SOWAHB: variants seen among roughly 807,000 people sequenced by gnomAD.
The protein encoded by SOWAHB is ankyrin repeat domain-containing protein SOWAHB.
A neutral mutation model predicts 18.3 loss-of-function variants in SOWAHB; 17 were observed. The observed-to-expected ratio is 0.93, with a 90% confidence interval of 0.64 to 1.40. The LOEUF is 1.40. Ranked by LOEUF, SOWAHB falls within the 40% of genes most tolerant of loss-of-function variation. SOWAHB has a pLI of 0.00. For missense variants in SOWAHB, 1,126 were observed against 1,033.7 expected (o/e 1.09, Z -1.22); for synonymous variants, 496 against 448.1 (o/e 1.11, Z -1.35).
chr4:76,895,312 G>A lies in SOWAHB; in HGVS notation c.*156C>T, dbSNP rs982470099. On this transcript the variant is annotated 3_prime_UTR_variant, in exon 1 of 1. Coordinates refer to ENST00000334306, the MANE Select transcript of SOWAHB (RefSeq NM_001029870.3). Reference sequence around the variant, plus strand: ...CAAAAAGCTTGGATGACCCTCTTGAGGTCCAGGATGTAGTGACATAAGATC... The same window carrying A: ...CAAAAAGCTTGGATGACCCTCTTGAAGTCCAGGATGTAGTGACATAAGATC... The A allele has an allele frequency of 1.4e-6, 1 of 701,460 alleles. No individual in the cohort carries two copies. Among genetic ancestry groups the A allele is most frequent in the Non-Finnish European group, 2.3e-6 (1 of 438,040 alleles). 43.5% of individuals were successfully genotyped at this position (701,460 alleles called of 1,614,324 possible).
Position 76,897,050 on chromosome 4 carries a change from G to T in SOWAHB, c.800C>A (p.Thr267Lys). 1 of 1,541,974 alleles carries T rather than the reference G, an allele frequency of 6.5e-7. No homozygotes were observed. Among genetic ancestry groups the T allele is most frequent in the Non-Finnish European group, 8.7e-7 (1 of 1,150,012 alleles). The change falls in exon 1 of 1, where the codon ACA becomes AAA. Residue 267 changes from threonine to lysine, a missense_variant. Transcript: ENST00000334306. The surrounding 1 kb of genome is among the most constrained non-coding windows in gnomAD (Gnocchi z 6.4). ...GAGAGCAGGCGGGGAAGCCCTGCTT[G>T]TCGCAGCCTCGACGGTGGCGGGAGG... is the stretch of plus-strand genomic sequence containing the variant. ...HSPPATVEAA[T>K]SRASPPALLP...
At position 76,897,632 on chromosome 4, in the gene SOWAHB, A is replaced by C. The variant is rs1719966744; in HGVS notation, c.218T>G (p.Leu73Arg). 1 of 1,611,932 alleles carries C rather than the reference A, an allele frequency of 6.2e-7. No homozygotes were observed. The highest frequency in any genetic ancestry group is 2.2e-5 in the East Asian group (1 of 44,818). The change falls in exon 1 of 1, where the codon CTC (leucine) becomes CGC (arginine). Residue 73 changes from leucine to arginine, a missense_variant. Physicochemically the swap from Leu to Arg is moderately radical, Grantham distance 102 (BLOSUM62 -2). Transcript: ENST00000334306. The surrounding 1 kb of genome is among the most constrained non-coding windows in gnomAD (Gnocchi z 6.4). ...CAAAAGGTCCCTGTATCTCCTCTTG[A>C]GCACCACGTACTTGGTGCCGTCGGG... ...QDPDGTKYVV[L>R]KRRYRDLLGE... is the part of the protein sequence containing the mutation.
Position 76,897,183 on chromosome 4 carries a change from C to A in SOWAHB, c.667G>T (p.Glu223Ter). ...GCAGGCAGAGCCCGTGCCGGCTTCT[C>A]CTCCGCGGTGGCCGAGTGCGGGAGT... ...GALPHSATAE[E>*]KPARALPAQD... The change falls in exon 1 of 1, where the codon GAG (glutamate) becomes TAG (stop). Residue 223 changes from glutamate (E) to a stop codon, truncating the protein, a stop_gained. Transcript: ENST00000334306. LOFTEE classifies it low-confidence loss of function (END_TRUNC). The surrounding 1 kb of genome is among the most constrained non-coding windows in gnomAD (Gnocchi z 6.4). 6.3e-7 allele frequency: 1 copy of A among 1,575,380 alleles called. No homozygotes were observed. Among genetic ancestry groups the A allele is most frequent in the Non-Finnish European group, 8.6e-7 (1 of 1,169,034 alleles).
rs78388708 is a variant in SOWAHB at position 76,896,109 on chromosome 4, G to A, written c.1741C>T (p.His581Tyr). Residue 581 changes from histidine (H) to tyrosine (Y), a missense_variant, in exon 1 of 1, where the codon CAC (histidine) becomes TAC (tyrosine). Transcript: ENST00000334306. ...GATGATTTGTGCTCAGAAGTTCTGT[G>A]GGGGGCCAAGGCTGCAGACCCCTCC... ...SGEGSAALAP[H>Y]RTSEHKSSLV... 1.6e-5 allele frequency: 25 copies of A among 1,579,098 alleles called. No homozygotes were observed. The African/African-American group carries it at 3.2e-4, about 20-fold the overall frequency.
chr4:76,897,475 G>A lies in SOWAHB; in HGVS notation c.375C>T (p.Arg125=), dbSNP rs770556615. The change falls in exon 1 of 1, where the codon CGC becomes CGT. Residue 125 remains arginine, a synonymous_variant. Coordinates refer to ENST00000334306, the MANE Select transcript of SOWAHB (RefSeq NM_001029870.3). The surrounding 1 kb of genome is among the most constrained non-coding windows in gnomAD (Gnocchi z 6.4). ...CTGGCTCCTCCTCCGGCTCCTTCTC[G>A]CGCCGCCGCCGCCTGGGCTGCTGCT... The part of the protein sequence containing the change: ...PPQQQPRRRR[R]EKEPEEEPAG... The A allele has an allele frequency of 6.7e-7, 1 of 1,487,120 alleles. No individual in the cohort carries two copies. Among genetic ancestry groups the A allele is most frequent in the East Asian group, 2.9e-5 (1 of 34,518 alleles). The allele number at this position is 1,487,120 out of a possible 1,614,324, so 92.1% of individuals were successfully genotyped here. A position where few individuals can be genotyped will look rare whatever the true frequency, so the allele number is the denominator to read the frequency against.
In SOWAHB at chr4:76,897,292, G is replaced by C. The variant is rs13146119; in HGVS notation, c.558C>G (p.Ser186Arg). The C allele has an allele frequency of 6.5e-7, 1 of 1,542,494 alleles. No individual in the cohort carries two copies. The highest frequency in any genetic ancestry group is 1.9e-5 in the Admixed American group (1 of 51,834). ...AAAAGAQARA[S>R]CAAAKTQGRC... ...GGCCCTGCGTCTTCGCCGCCGCGCA[G>C]CTCGCTCTCGCCTGGGCCCCTGCCG... The change falls in exon 1 of 1, where the codon AGC becomes AGG. Residue 186 changes from serine to arginine, a missense_variant. Coordinates refer to ENST00000334306, the MANE Select transcript of SOWAHB (RefSeq NM_001029870.3). This position sits in a 1 kb window ranked among gnomAD's most constrained non-coding sequence, Gnocchi z 6.4.
rs752939166 is a variant in SOWAHB at position 76,896,867 on chromosome 4, C to A, written c.983G>T (p.Trp328Leu). 6.2e-7 allele frequency: 1 copy of A among 1,613,524 alleles called. No homozygotes were observed. The highest frequency in any genetic ancestry group is 8.5e-7 in the Non-Finnish European group (1 of 1,179,990). ...EARDQGPIRA[W>L]SVLPDNFLQL... ...GAGGAAGTTGTCTGGCAGCACCGAC[C>A]AGGCGCGGATAGGGCCCTGATCACG... Residue 328 changes from tryptophan to leucine, a missense_variant, in exon 1 of 1, where the codon TGG becomes TTG. Transcript: ENST00000334306.
In SOWAHB at chr4:76,896,917, G is replaced by T; in HGVS notation, c.933C>A (p.Ala311=). The T allele has an allele frequency of 6.2e-7, 1 of 1,611,528 alleles. No individual in the cohort carries two copies. The highest frequency in any genetic ancestry group is 8.5e-7 in the Non-Finnish European group (1 of 1,179,256). The change falls in exon 1 of 1, where the codon GCC becomes GCA. Residue 311 remains alanine, a synonymous_variant. Transcript: ENST00000334306. ...QQQQRTREWV[A]RHPQVPEARD... is the part of the protein sequence containing the mutation. Reference sequence around the variant, plus strand: ...GGGCCTCGGGCACCTGCGGGTGCCTGGCCACCCACTCTCGAGTGCGCTGCT... The same window carrying T: ...GGGCCTCGGGCACCTGCGGGTGCCTTGCCACCCACTCTCGAGTGCGCTGCT...
rs769204498 is a variant in SOWAHB, at chr4:76,897,287, G to A, written c.563C>T (p.Ala188Val). The change falls in exon 1 of 1, where the codon GCG becomes GTG. Residue 188 changes from alanine to valine, a missense_variant. Transcript: ENST00000334306. This position sits in a 1 kb window ranked among gnomAD's most constrained non-coding sequence, Gnocchi z 6.4. Reference sequence around the variant, plus strand: ...GCAGCGGCCCTGCGTCTTCGCCGCCGCGCAGCTCGCTCTCGCCTGGGCCCC... The same window carrying A: ...GCAGCGGCCCTGCGTCTTCGCCGCCACGCAGCTCGCTCTCGCCTGGGCCCC... Reference protein sequence around the residue: ...AAGAQARASCAAAKTQGRCCW... With the variant: ...AAGAQARASCVAAKTQGRCCW... 2 of 1,544,848 alleles carry A rather than the reference G, an allele frequency of 1.3e-6. No individual in the cohort carries two copies. Among genetic ancestry groups the A allele is most frequent in the Non-Finnish European group, 1.7e-6 (2 of 1,151,950 alleles).
chr4:76,896,729 G>A lies in SOWAHB; in HGVS notation c.1121C>T (p.Ala374Val), dbSNP rs894846437. ...AAAGACAGTCAATGAAGGGTTCCCC[G>A]CCCAGGATTCCCAGGACTCATCCGG... is the stretch of plus-strand genomic sequence containing the variant. ...VVPDESWESWAGNPSLTVFRS... is the reference protein window; with the variant it reads ...VVPDESWESWVGNPSLTVFRS... The change falls in exon 1 of 1, where the codon GCG becomes GTG. Residue 374 changes from alanine (A) to valine (V), a missense_variant. By Grantham distance (64) the Ala-to-Val change is moderately conservative. Transcript: ENST00000334306. 5.6e-6 allele frequency: 9 copies of A among 1,613,768 alleles called. No individual in the cohort carries two copies. The highest frequency in any genetic ancestry group is 2.7e-5 in the African/African-American group (2 of 74,934).
chr4:76,896,235 G>T lies in SOWAHB; in HGVS notation c.1615C>A (p.Pro539Thr). ...AAACCTGCATCAACCCTTGGGCTGG[G>T]TGCCGTTCCTGCCTTGGAGGGCTTC... is the stretch of plus-strand genomic sequence containing the variant. Reference protein sequence around the residue: ...SRKPSKAGTAPSPRVDAGLSL... With the variant: ...SRKPSKAGTATSPRVDAGLSL... Residue 539 changes from proline (P) to threonine (T), a missense_variant, in exon 1 of 1, where the codon CCC (proline) becomes ACC (threonine). Pro to Thr is a conservative substitution (Grantham distance 38). Transcript: ENST00000334306. 6.3e-7 allele frequency: 1 copy of T among 1,588,062 alleles called. No homozygotes were observed. The highest frequency in any genetic ancestry group is 8.6e-7 in the Non-Finnish European group (1 of 1,166,482).
Position 76,896,410 on chromosome 4 carries a change from G to A in SOWAHB, c.1440C>T (p.His480=), listed in dbSNP as rs752843982. 2 of 1,602,358 alleles carry A rather than the reference G, an allele frequency of 1.2e-6. No individual in the cohort carries two copies. The highest frequency in any genetic ancestry group is 1.7e-6 in the Non-Finnish European group (2 of 1,174,128). ...VPAGANGLAG[H]PLKPLPWPVP... ...CTGGCCAAGGCAAAGGCTTCAGGGG[G>A]TGGCCTGCAAGGCCATTAGCCCCTG... The change falls in exon 1 of 1, where the codon CAC becomes CAT. Residue 480 remains histidine (H), a synonymous_variant. Transcript: ENST00000334306.
In SOWAHB at chr4:76,896,017, C is replaced by G; in HGVS notation, c.1833G>C (p.Gln611His). 6.2e-7 allele frequency: 1 copy of G among 1,613,084 alleles called. No individual in the cohort carries two copies. The highest frequency in any genetic ancestry group is 8.5e-7 in the Non-Finnish European group (1 of 1,179,736). ...IVKLASGSWI[Q>H]VWTLFWEDPQ... ...GGTCCTCCCAGAACAAAGTCCACAC[C>G]TGAATCCAGGAGCCACTGGCAAGCT... The change falls in exon 1 of 1, where the codon CAG (glutamine) becomes CAC (histidine). Residue 611 changes from glutamine to histidine, a missense_variant. Physicochemically the swap from Gln to His is conservative, Grantham distance 24. Transcript: ENST00000334306.
Position 76,897,116 on chromosome 4 carries a change from G to A in SOWAHB, c.734C>T (p.Ala245Val), listed in dbSNP as rs1719940785. The A allele has an allele frequency of 1.3e-6, 2 of 1,538,838 alleles. No individual in the cohort carries two copies. The highest frequency in any genetic ancestry group is 1.7e-6 in the Non-Finnish European group (2 of 1,148,398). The change falls in exon 1 of 1, where the codon GCG becomes GTG. Residue 245 changes from alanine to valine, a missense_variant. Coordinates refer to ENST00000334306, the MANE Select transcript of SOWAHB (RefSeq NM_001029870.3). This position sits in a 1 kb window ranked among gnomAD's most constrained non-coding sequence, Gnocchi z 6.4. Reference protein sequence around the residue: ...RGASREREEGALAEPAPVPAV... With the variant: ...RGASREREEGVLAEPAPVPAV... ...AGGCACAGGCGCCGGCTCAGCTAGC[G>A]CGCCTTCTTCCCGCTCCCTGGAAGC...
Position 76,897,685 on chromosome 4 carries a change from G to A in SOWAHB, c.165C>T (p.Val55=). 6.2e-7 allele frequency: 1 copy of A among 1,612,160 alleles called. No homozygotes were observed. The highest frequency in any genetic ancestry group is 1.1e-5 in the South Asian group (1 of 91,076). The change falls in exon 1 of 1, where the codon GTC becomes GTT. Residue 55 remains valine (V), a synonymous_variant. Transcript: ENST00000334306. The surrounding 1 kb of genome is among the most constrained non-coding windows in gnomAD (Gnocchi z 6.4). ...QHRRELFKGF[V]NSVAAVRQDP... is the part of the protein sequence containing the mutation. Reference sequence around the variant, plus strand: ...CCTGGCGCACTGCGGCGACCGAGTTGACGAAGCCCTTGAAGAGCTCGCGGC... The same window carrying A: ...CCTGGCGCACTGCGGCGACCGAGTTAACGAAGCCCTTGAAGAGCTCGCGGC...
In SOWAHB at chr4:76,895,797, C is replaced by T. The variant is rs766508102; in HGVS notation, c.2053G>A (p.Val685Ile). ...HLAAIHGHQG[V>I]IKLLVQRLAS... Reference sequence around the variant, plus strand: ...AACCTTTGCACTAGCAATTTGATGACCCCCTGGTGGCCGTGAATGGCTGCA... The same window carrying T: ...AACCTTTGCACTAGCAATTTGATGATCCCCTGGTGGCCGTGAATGGCTGCA... The change falls in exon 1 of 1, where the codon GTC becomes ATC. Residue 685 changes from valine (V) to isoleucine (I), a missense_variant. Physicochemically the swap from Val to Ile is conservative, Grantham distance 29. Coordinates refer to ENST00000334306, the MANE Select transcript of SOWAHB (RefSeq NM_001029870.3). 12 of 1,614,134 alleles carry T rather than the reference C, an allele frequency of 7.4e-6. No individual in the cohort carries two copies. The highest frequency in any genetic ancestry group is 5.3e-5 in the African/African-American group (4 of 74,942).
Position 76,898,004 on chromosome 4 carries a change from T to C in SOWAHB, c.-155A>G. The stretch of plus-strand genomic sequence containing the variant: ...GGAGGCCAGCGCTGCCCGCAGCCCG[T>C]GAGCGCGCCAGGAGGGCCGTGGGTC... On this transcript the variant is annotated 5_prime_UTR_variant, in exon 1 of 1. Transcript: ENST00000334306. 1 of 791,618 alleles carries C rather than the reference T, an allele frequency of 1.3e-6. No individual in the cohort carries two copies. The highest frequency in any genetic ancestry group is 3.0e-5 in the Admixed American group (1 of 33,262). The allele number at this position is 791,618 out of a possible 1,614,324, so 49.0% of individuals were successfully genotyped here.
rs546520112 is a variant in SOWAHB at position 76,895,920 on chromosome 4, G to A, written c.1930C>T (p.Leu644Phe). Residue 644 changes from leucine (L) to phenylalanine (F), a missense_variant, in exon 1 of 1, where the codon CTC becomes TTC. Coordinates refer to ENST00000334306, the MANE Select transcript of SOWAHB (RefSeq NM_001029870.3). The part of the protein sequence containing the change: ...ALHWIAKHGD[L>F]RALQDLVSGA... ...GACACCAAGTCCTGAAGGGCCCTGA[G>A]GTCACCATGTTTGGCTATCCAGTGC... 8 of 1,614,148 alleles carry A rather than the reference G, an allele frequency of 5.0e-6. No homozygotes were observed. The East Asian group carries it at 1.8e-4, about 36-fold the overall frequency.
rs1719897468 is a variant in SOWAHB, at chr4:76,895,861, T to C, written c.1989A>G (p.Val663=). The change falls in exon 1 of 1, where the codon GTA becomes GTG. Residue 663 remains valine, a synonymous_variant. Transcript: ENST00000334306. ...TATATCCACAACTGGACCTCACGTT[T>C]ACATCAAGGACAATCCCTGCCTTCT... ...GAKKAGIVLD[V]NVRSSCGYTP... 2 of 1,614,202 alleles carry C rather than the reference T, an allele frequency of 1.2e-6. No homozygotes were observed. The highest frequency in any genetic ancestry group is 2.2e-5 in the South Asian group (2 of 91,080).
Sources: gnomAD v4.1 joint callset for allele counts on GRCh38, gnomAD v4.1.1 for gene constraint, Gnocchi (gnomAD v3.1) non-coding constraint, MANE v1.5 for transcripts, NCBI Gene and HGNC (gene_info 2026-07-23, HGNC 2026-07-21) for gene names.